The following HS2ST1 variants were observed in gnomAD, a reference collection of about 807,000 sequenced individuals.
The protein encoded by HS2ST1 is heparan sulfate 2-O-sulfotransferase 1.
In HS2ST1, 18 loss-of-function variants were observed where a neutral mutation model predicts 42.9. The ratio of observed to expected loss-of-function variants is 0.42; its 90% CI spans 0.29 to 0.62. The LOEUF is 0.62. HS2ST1 is among the 20% of genes least tolerant of loss of function. The pLI, the probability that HS2ST1 is intolerant of heterozygous loss-of-function variation, is 0.21. For missense variants in HS2ST1, 334 were observed against 433.8 expected (o/e 0.77, Z 2.04); for synonymous variants, 146 against 152.9 (o/e 0.95, Z 0.33).
intron 1 of HS2ST1, chr1:86,993,059 AG>A: frequency 6.3e-7 from 1 of 1,585,780 alleles, no homozygotes; most frequent in Non-Finnish European, 8.6e-7. Context: ...CATCAGGGGA[AG>A]GTCACCAAGT....
chr1:86,923,781 T>G (rs1459808786), intron 1 of HS2ST1, among the ~76,000 whole-genome samples: 2 of 152,206 alleles, frequency 1.3e-5, no homozygotes, highest in African/African-American at 4.8e-5. Context: ...CCCCCATGAT[T>G]CAGTTACCTC....
chr1:86,959,512 G>C (rs1237558255), intron 1 of HS2ST1, among the ~76,000 whole-genome samples: 1 of 152,100 alleles, frequency 6.6e-6, no homozygotes, highest in Non-Finnish European at 1.5e-5. Flanking sequence ...ACAAAAATCA[G>C]CTGGGCGTGG....
intron 1 of HS2ST1, among the ~76,000 whole-genome samples, chr1:86,975,987 G>A (rs1255296652): frequency 6.6e-6 from 1 of 152,130 alleles, no homozygotes; most frequent in Non-Finnish European, 1.5e-5. Flanking sequence ...AAAGTGCCAT[G>A]GCAAATGTAT....
At chr1:86,988,470 A>T (rs1023011464) in intron 1 of HS2ST1, among the ~76,000 whole-genome samples, 4 of 152,238 alleles carry the variant, frequency 2.6e-5, no homozygotes, top group African/African-American at 9.6e-5. Context: ...AAATTTTGAC[A>T]AACTGTCCAG....
chr1:87,034,861 A>C (rs1650330915), intron 1 of HS2ST1, among the ~76,000 whole-genome samples: 1 of 152,152 alleles, frequency 6.6e-6, no homozygotes, highest in African/African-American at 2.4e-5. Flanking sequence ...ATATGGCAAA[A>C]AGGACTTTGT....
chr1:86,919,036 G>C (rs1177592817), intron 1 of HS2ST1, among the ~76,000 whole-genome samples: 1 of 151,362 alleles, frequency 6.6e-6, no homozygotes, highest in Non-Finnish European at 1.5e-5. Context: ...GAGTGCAGTG[G>C]CACGATTTCG....
At chr1:86,993,078 G>A (rs924045780) in intron 1 of HS2ST1, 5 of 1,594,530 alleles carry the variant, frequency 3.1e-6, no homozygotes, top group Non-Finnish European at 4.3e-6. Flanking sequence ...AGTCTTTCCT[G>A]TACATGCTGT....
At chr1:87,055,763 G>T (rs1650952966) in intron 1 of HS2ST1, among the ~76,000 whole-genome samples, 1 of 152,120 alleles carries the variant, frequency 6.6e-6, no homozygotes, top group Admixed American at 6.5e-5. Flanking sequence ...AAAAGCATTG[G>T]TGGTACCAAA....
intron 1 of HS2ST1, among the ~76,000 whole-genome samples, chr1:86,987,304 G>A (rs1471127483): frequency 6.6e-6 from 1 of 151,912 alleles, no homozygotes; most frequent in Admixed American, 6.6e-5. Context: ...TCGAACTCCC[G>A]ACTTCGTGAT....
intron 1 of HS2ST1, among the ~76,000 whole-genome samples, chr1:86,916,713 C>T (rs1557478262): frequency 6.6e-6 from 1 of 152,032 alleles, no homozygotes. Flanking sequence ...ATCCATTTAG[C>T]GACATTCAGG....
intron 1 of HS2ST1, among the ~76,000 whole-genome samples, chr1:87,049,053 GAGAA>G (rs1468571607): frequency 3.3e-5 from 5 of 151,958 alleles, no homozygotes; most frequent in Non-Finnish European, 7.4e-5. Flanking sequence ...GTTTATCTGT[GAGAA>G]AGATTTGTTT....
chr1:87,036,235 C>G (rs1051676008), intron 1 of HS2ST1, among the ~76,000 whole-genome samples: 2 of 152,118 alleles, frequency 1.3e-5, no homozygotes, highest in Non-Finnish European at 2.9e-5. Context: ...CAAGTCTTTG[C>G]TATTGTGAGC....
chr1:87,023,046 A>C (rs1317539630), intron 1 of HS2ST1, among the ~76,000 whole-genome samples: 1 of 152,202 alleles, frequency 6.6e-6, no homozygotes, highest in Non-Finnish European at 1.5e-5. Context: ...TGAGGATAAA[A>C]TCAAGCATAA....
intron 1 of HS2ST1, among the ~76,000 whole-genome samples, chr1:87,043,530 G>T (rs1367151568): frequency 1.3e-5 from 2 of 152,058 alleles, no homozygotes; most frequent in African/African-American, 2.4e-5. Context: ...AGAATCAACT[G>T]CTGGAGGTAT....
chr1:86,958,931 A>G (rs1039441478), intron 1 of HS2ST1, among the ~76,000 whole-genome samples: 4 of 152,250 alleles, frequency 2.6e-5, no homozygotes, highest in African/African-American at 9.6e-5. Context: ...GGCTGGTTCA[A>G]CATGTGGAAA....
intron 1 of HS2ST1, among the ~76,000 whole-genome samples, chr1:87,029,687 A>G (rs1272906965): frequency 1.3e-5 from 2 of 152,130 alleles, no homozygotes; most frequent in Admixed American, 6.5e-5. Flanking sequence ...CTTATGTGAA[A>G]TCTACAGGAA....
intron 2 of HS2ST1, among the ~76,000 whole-genome samples, chr1:87,075,067 A>G (rs1456311729): frequency 1.3e-5 from 2 of 151,808 alleles, no homozygotes; most frequent in African/African-American, 4.8e-5. Flanking sequence ...TCTTAAAAAT[A>G]ATTTTTAAAT....
chr1:86,967,916 G>A (rs950715909), intron 1 of HS2ST1, among the ~76,000 whole-genome samples: 2 of 152,204 alleles, frequency 1.3e-5, no homozygotes, highest in African/African-American at 4.8e-5. Context: ...ATCTGCACCA[G>A]CAGGGTGTAA....
rs893283192 is a variant in HS2ST1, at chr1:86,990,435, T to A, written c.124+75275T>A. On this transcript the variant is annotated intron_variant, in intron 1 of 6. Transcript: ENST00000370550. ...TGAATCTTGGTTTTGCCTCTCAGAT[T>A]TCTTTGATCAGCTTAGCCAGTGATT... Among the ~76,000 whole-genome samples the A allele has an allele frequency of 2.0e-5, 3 of 152,234 alleles. No homozygotes were observed. The East Asian group carries it at 5.8e-4, about 30-fold the overall frequency.
Sources: allele counts gnomAD v4.1 joint callset (sites outside exome capture counted in the v4.1 genomes callset), GRCh38; gene constraint gnomAD v4.1.1; transcripts MANE v1.5; gene names NCBI Gene and HGNC (gene_info 2026-07-23, HGNC 2026-07-21).